The following MDC1 variants were observed in gnomAD, a reference collection of about 807,000 sequenced individuals.
MDC1 encodes mediator of DNA damage checkpoint 1, also known as mediator of DNA damage checkpoint protein 1.
In MDC1, 81 loss-of-function variants were observed where a neutral mutation model predicts 142.5. The ratio of observed to expected loss-of-function variants is 0.57; its 90% CI spans 0.47 to 0.68. MDC1 has a LOEUF of 0.68. Among genes scored for constraint, MDC1 ranks in the 30% least tolerant of loss-of-function variants. The pLI is 0.00. For synonymous variants in MDC1, 797 were observed against 968.4 expected, an observed-to-expected ratio of 0.82 and a Z score of 3.29; for missense variants, 2,119 against 2,547.9, an observed-to-expected ratio of 0.83 and a Z score of 3.62.
Position 30,712,810 on chromosome 6 carries a change from T to C in MDC1, c.1132A>G (p.Thr378Ala). The change falls in exon 5 of 15, where the codon ACA becomes GCA. Residue 378 changes from threonine to alanine, a missense_variant. Physicochemically the swap from Thr to Ala is moderately conservative, Grantham distance 58. Transcript: ENST00000376406. The surrounding 1 kb of genome is among the most constrained non-coding windows in gnomAD (Gnocchi z 4.7). ...GGGGCCTTGCCTTCTTCCACATCTG[T>C]ATCACTACCAGCCTGGCTCTCCTGC... ...HLQESQAGSD[T>A]DVEEGKAPQA... 6.2e-7 allele frequency: 1 copy of C among 1,612,982 alleles called. No individual in the cohort carries two copies. The highest frequency in any genetic ancestry group is 8.5e-7 in the Non-Finnish European group (1 of 1,179,972).
At position 30,702,873 on chromosome 6, in the gene MDC1, C is replaced by T. The variant is rs748328915; in HGVS notation, c.5870G>A (p.Arg1957His). 1.5e-5 allele frequency: 25 copies of T among 1,613,016 alleles called. No homozygotes were observed. The highest frequency in any genetic ancestry group is 2.2e-5 in the East Asian group (1 of 44,886). ...ILSLDWLHQS[R>H]KAGFFLPPDE... ...CGGGGGTAAGAAGAAACCAGCCTTG[C>T]GGGACTAAGGACGGCAGCAGTCAGC... The change falls in exon 13 of 15, where the codon CGC becomes CAC. Residue 1957 changes from arginine to histidine, a missense_variant. Transcript: ENST00000376406.
chr6:30,706,053 C>T lies in MDC1; in HGVS notation c.3130G>A (p.Glu1044Lys). 3 of 1,599,778 alleles carry T rather than the reference C, an allele frequency of 1.9e-6. No individual in the cohort carries two copies. The highest frequency in any genetic ancestry group is 1.7e-6 in the Non-Finnish European group (2 of 1,179,032). Residue 1044 changes from glutamate to lysine, a missense_variant, in exon 10 of 15, where the codon GAA (glutamate) becomes AAA (lysine). Coordinates refer to ENST00000376406, the MANE Select transcript of MDC1 (RefSeq NM_014641.3). ...PDACLPPTVPEAPAPPQKPLN... is the reference protein window; with the variant it reads ...PDACLPPTVPKAPAPPQKPLN... The stretch of plus-strand genomic sequence containing the variant: ...GGCTTTTGGGGTGGGGCTGGGGCTT[C>T]AGGTACTGTAGGAGGCAGACAAGCA...
chr6:30,711,490 C>G lies in MDC1; in HGVS notation c.2143G>C (p.Glu715Gln). 6.2e-7 allele frequency: 1 copy of G among 1,613,082 alleles called. No individual in the cohort carries two copies. ...NQGLEAVQSMEDEPTQAFMLT... is the reference protein window; with the variant it reads ...NQGLEAVQSMQDEPTQAFMLT... ...ATGAAGGCCTGGGTAGGTTCATCCTCCATGCTCTGGACTGCTGTACAGGAA... is the reference window on the plus strand; with the variant it reads ...ATGAAGGCCTGGGTAGGTTCATCCTGCATGCTCTGGACTGCTGTACAGGAA... Residue 715 changes from glutamate (E) to glutamine (Q), a missense_variant, in exon 7 of 15, where the codon GAG (glutamate) becomes CAG (glutamine). Coordinates refer to ENST00000376406, the MANE Select transcript of MDC1 (RefSeq NM_014641.3).
chr6:30,711,729 G>A lies in MDC1; in HGVS notation c.2069-3C>T, dbSNP rs370898098. 1.9e-6 allele frequency: 3 copies of A among 1,612,150 alleles called. No individual in the cohort carries two copies. Among genetic ancestry groups the A allele is most frequent in the African/African-American group, 1.3e-5 (1 of 74,874 alleles). ...TTGTAGGTCCAGATCTTCAGAATCT[G>A]GTCGGGGAGGAATATAAGACAGTTT... On this transcript the variant is annotated splice_polypyrimidine_tract_variant and splice_region_variant and intron_variant, in intron 5 of 14. Coordinates refer to ENST00000376406, the MANE Select transcript of MDC1 (RefSeq NM_014641.3).
chr6:30,715,185 A>G lies in MDC1; in HGVS notation c.-3-7T>C, dbSNP rs777678256. On this transcript the variant is annotated splice_polypyrimidine_tract_variant and splice_region_variant and intron_variant, in intron 1 of 14. Transcript: ENST00000376406. This position sits in a 1 kb window ranked among gnomAD's most constrained non-coding sequence, Gnocchi z 4.1. ...CCTGGGTGTCCTCCATGATCTGGGAAGGATACACATTATCAATTATCCTCA... is the reference window on the plus strand; with the variant it reads ...CCTGGGTGTCCTCCATGATCTGGGAGGGATACACATTATCAATTATCCTCA... 1.2e-6 allele frequency: 2 copies of G among 1,614,024 alleles called. No individual in the cohort carries two copies. The highest frequency in any genetic ancestry group is 2.7e-5 in the African/African-American group (2 of 74,908).
chr6:30,711,090 G>A (rs1176188073), intron 7 of MDC1, among the ~76,000 whole-genome samples: 14 of 152,176 alleles, frequency 9.2e-5, no homozygotes. Flanking sequence ...AAGAAAGAAC[G>A]CAGGCCGGGC....
chr6:30,704,533 C>G lies in MDC1; in HGVS notation c.4650G>C (p.Glu1550Asp). Reference protein sequence around the residue: ...STSTDQPVTPEPTSRATRGRT... With the variant: ...STSTDQPVTPDPTSRATRGRT... ...TGCCCCTAGTGGCCCGAGATGTGGG[C>G]TCAGGGGTGACAGGTTGGTCTGTGG... is the stretch of plus-strand genomic sequence containing the variant. The change falls in exon 10 of 15, where the codon GAG becomes GAC. Residue 1550 changes from glutamate (E) to aspartate (D), a missense_variant. Coordinates refer to ENST00000376406, the MANE Select transcript of MDC1 (RefSeq NM_014641.3). 6.2e-7 allele frequency: 1 copy of G among 1,610,572 alleles called. No individual in the cohort carries two copies.
In MDC1 at chr6:30,705,946, A is replaced by T. The variant is rs1773721909; in HGVS notation, c.3237T>A (p.Arg1079=). 6.2e-7 allele frequency: 1 copy of T among 1,613,980 alleles called. No individual in the cohort carries two copies. Among genetic ancestry groups the T allele is most frequent in the Non-Finnish European group, 8.5e-7 (1 of 1,179,964 alleles). Residue 1079 remains arginine, a synonymous_variant, in exon 10 of 15, where the codon CGT becomes CGA. Transcript: ENST00000376406. ...PLLPSIKPTV[R]KTRQDGSQEA... ...CCTGACTCCCATCTTGCCTGGTCTT[A>T]CGAACGGTTGGCTTGATAGAAGGTA...
In MDC1 at chr6:30,708,338, C is replaced by G; in HGVS notation, c.2241G>C (p.Trp747Cys). Residue 747 changes from tryptophan to cysteine, a missense_variant, in exon 8 of 15, where the codon TGG becomes TGC. By Grantham distance (215) the Trp-to-Cys change is radical. Transcript: ENST00000376406. ...FQTTGTLDEPWEVLATQPFCL... is the reference protein window; with the variant it reads ...FQTTGTLDEPCEVLATQPFCL... ...AGAATGGCTGTGTAGCCAGGACCTC[C>G]CATGGTTCATCTAGGGTACCTGGAA... 2 of 1,610,966 alleles carry G rather than the reference C, an allele frequency of 1.2e-6. No individual in the cohort carries two copies. Among genetic ancestry groups the G allele is most frequent in the Non-Finnish European group, 1.7e-6 (2 of 1,179,798 alleles).
chr6:30,714,585 C>T (rs1775401060), intron 2 of MDC1, among the ~76,000 whole-genome samples: 1 of 150,894 alleles, frequency 6.6e-6, no homozygotes, highest in Non-Finnish European at 1.5e-5. Context: ...GATCATAGAT[C>T]AGTGCAATCT....
Position 30,703,516 on chromosome 6 carries a change from C to G in MDC1, c.5584G>C (p.Gly1862Arg), listed in dbSNP as rs746504351. Residue 1862 changes from glycine (G) to arginine (R), a missense_variant, in exon 11 of 15, where the codon GGC becomes CGC. Physicochemically the swap from Gly to Arg is moderately radical, Grantham distance 125. Transcript: ENST00000376406. This position sits in a 1 kb window ranked among gnomAD's most constrained non-coding sequence, Gnocchi z 4.4. ...TCTGCCTGGTCTCTCTTTCTCTTGC[C>G]TGGTTTTGGAGTCACGACATCCTGA... is the stretch of plus-strand genomic sequence containing the variant. ...KEEDVVTPKP[G>R]KRKRDQAEEE... The G allele has an allele frequency of 6.2e-7, 1 of 1,613,414 alleles. No homozygotes were observed. The highest frequency in any genetic ancestry group is 1.1e-5 in the South Asian group (1 of 91,078).
At chr6:30,701,255 G>A (rs921072376) in intron 14 of MDC1, among the ~76,000 whole-genome samples, 3 of 151,824 alleles carry the variant, frequency 2.0e-5, no homozygotes, top group Admixed American at 2.0e-4. Flanking sequence ...AAAAAAATTA[G>A]CTGGGCGTGG....
At chr6:30,714,259 C>T in intron 2 of MDC1, 76 bp from the exon 3 acceptor site, 2 of 1,438,224 alleles carry the variant, frequency 1.4e-6, no homozygotes, top group Non-Finnish European at 1.8e-6. Context: ...CTATTAGGTA[C>T]TCTACTACTC....
rs181092448 is a variant in MDC1, at chr6:30,713,989, C to T, written c.331G>A (p.Val111Met). The T allele has an allele frequency of 2.1e-5, 34 of 1,612,938 alleles. No homozygotes were observed. The Admixed American group carries it at 2.8e-4, about 13-fold the overall frequency. Reference sequence around the variant, plus strand: ...TCCTGGTCCCTCAGACGGTGACTCACCCCAGGGCTCAAAACCTTAGGAGGT... The same window carrying T: ...TCCTGGTCCCTCAGACGGTGACTCATCCCAGGGCTCAAAACCTTAGGAGGT... ...LRPPKVLSPG[V>M]SHRLRDQELI... The change falls in exon 3 of 15, where the codon GTG becomes ATG. Residue 111 changes from valine to methionine, a missense_variant. By Grantham distance (21) the Val-to-Met change is conservative (BLOSUM62 1). Transcript: ENST00000376406. This position sits in a 1 kb window ranked among gnomAD's most constrained non-coding sequence, Gnocchi z 4.9.
intron 2 of MDC1, among the ~76,000 whole-genome samples, chr6:30,714,465 A>G (rs1775379147): frequency 6.6e-6 from 1 of 152,188 alleles, no homozygotes; most frequent in Non-Finnish European, 1.5e-5. Context: ...ACTGTTGTGC[A>G]ATCATCACTA....
chr6:30,707,349 C>T, intron 9 of MDC1, 35 bp downstream of exon 9: 1 of 1,594,572 alleles, frequency 6.3e-7, no homozygotes. Flanking sequence ...ATAGAGATGA[C>T]TTGTGGAATA....
chr6:30,702,698 A>G, intron 13 of MDC1, 35 bp from the exon 14 acceptor site: 1 of 1,612,272 alleles, frequency 6.2e-7, no homozygotes, highest in Non-Finnish European at 8.5e-7. Context: ...GGTATTGTAG[A>G]TTGGGAAGCA....
At chr6:30,710,027 T>C (rs896477318) in intron 7 of MDC1, among the ~76,000 whole-genome samples, 6 of 151,958 alleles carry the variant, frequency 3.9e-5, no homozygotes, top group Non-Finnish European at 7.4e-5. Context: ...TACAGGTGCA[T>C]GCCACCATGC....
chr6:30,713,981 G>T lies in MDC1; in HGVS notation c.339C>A (p.His113Gln). 6.2e-7 allele frequency: 1 copy of T among 1,612,974 alleles called. No homozygotes were observed. Among genetic ancestry groups the T allele is most frequent in the Non-Finnish European group, 8.5e-7 (1 of 1,180,012 alleles). Residue 113 changes from histidine to glutamine, a missense_variant, in exon 3 of 15, where the codon CAC (histidine) becomes CAA (glutamine). Physicochemically the swap from His to Gln is conservative, Grantham distance 24. Transcript: ENST00000376406. This position sits in a 1 kb window ranked among gnomAD's most constrained non-coding sequence, Gnocchi z 4.9. ...PPKVLSPGVS[H>Q]RLRDQELILF... ...GAATCAATTCCTGGTCCCTCAGACG[G>T]TGACTCACCCCAGGGCTCAAAACCT... is the stretch of plus-strand genomic sequence containing the variant.
Sources: allele counts gnomAD v4.1 joint callset (sites outside exome capture counted in the v4.1 genomes callset), GRCh38; gene constraint gnomAD v4.1.1; non-coding constraint Gnocchi (gnomAD v3.1); transcripts MANE v1.5; gene names NCBI Gene and HGNC (gene_info 2026-07-23, HGNC 2026-07-21).